Variants in PRKD1 observed in about 807,000 individuals in gnomAD.
PRKD1 encodes the protein serine/threonine-protein kinase D1.
Under a neutral mutation model 95.9 loss-of-function variants are expected in PRKD1, and 63 were observed. The ratio of observed to expected loss-of-function variants is 0.66; its 90% CI spans 0.54 to 0.81. PRKD1 has a LOEUF of 0.81. Among genes scored for constraint, PRKD1 ranks in the 30% least tolerant of loss-of-function variants. PRKD1 has a pLI of 0.00. For missense variants in PRKD1, 1,048 were observed against 1,165.3 expected (o/e 0.90, Z 1.47); for synonymous variants, 425 against 423.1 (o/e 1.00, Z -0.05).
chr14:29,918,969 A>C (rs1894987199), intron 1 of PRKD1, among the ~76,000 whole-genome samples: 1 of 152,168 alleles, frequency 6.6e-6, no homozygotes, highest in Non-Finnish European at 1.5e-5. Flanking sequence ...AATACTTTTC[A>C]ACTGTTTTAT....
rs149563866 is a variant in PRKD1, at chr14:29,754,884, T to C, written c.265-29210A>G. On this transcript the variant is annotated intron_variant, in intron 1 of 17. Transcript: ENST00000331968. The stretch of plus-strand genomic sequence containing the variant: ...TGAGATCAAGGTTCATTTAGGGAGA[T>C]TGATATTTTTATGATACTAACTTAT... 3.9e-3 allele frequency among the ~76,000 whole-genome samples: 596 copies of C among 152,230 alleles called. 5 individuals carry two copies. Among genetic ancestry groups the C allele is most frequent in the African/African-American group, 0.013 (544 of 41,570 alleles).
At position 29,631,030 on chromosome 14, in the gene PRKD1, G is replaced by GA. The variant is rs45589232; in HGVS notation, c.1393-10dup. On this transcript the variant is annotated splice_polypyrimidine_tract_variant and intron_variant, in intron 9 of 17. Coordinates refer to ENST00000331968, the MANE Select transcript of PRKD1 (RefSeq NM_002742.3). The stretch of plus-strand genomic sequence containing the variant: ...TCAGATAAAGGAATTTCCTGTGAAA[G>GA]AAAAAAAGTACTAAATGTTGTTTAT... 4 of 1,581,648 alleles carry GA rather than the reference G, an allele frequency of 2.5e-6. No individual in the cohort carries two copies. The highest frequency in any genetic ancestry group is 2.2e-5 in the East Asian group (1 of 44,504).
At chr14:29,775,894 C>T (rs1888725582) in intron 1 of PRKD1, among the ~76,000 whole-genome samples, 1 of 152,140 alleles carries the variant, frequency 6.6e-6, no homozygotes. Context: ...GAGGCACCTC[C>T]CAGTAGGGGC....
At chr14:29,621,974 A>G (rs1879293997) in intron 13 of PRKD1, among the ~76,000 whole-genome samples, 2 of 152,158 alleles carry the variant, frequency 1.3e-5, no homozygotes, top group South Asian at 2.1e-4. Flanking sequence ...TTCCAAATGT[A>G]TATTTATTGC....
At chr14:29,820,528 G>A (rs1450050949) in intron 1 of PRKD1, among the ~76,000 whole-genome samples, 15 of 152,198 alleles carry the variant, frequency 9.9e-5, no homozygotes, top group Admixed American at 9.8e-4. Flanking sequence ...CAGGAAAAGT[G>A]AGAAGGGAAT....
chr14:29,616,270 T>C (rs1450837204), intron 13 of PRKD1, among the ~76,000 whole-genome samples: 1 of 95,920 alleles, frequency 1.0e-5, no homozygotes, highest in Non-Finnish European at 2.0e-5. Context: ...AAAAAAGCCA[T>C]GTATTGCCAT....
intron 1 of PRKD1, among the ~76,000 whole-genome samples, chr14:29,879,267 C>T (rs2139392328): frequency 6.6e-6 from 1 of 152,310 alleles, no homozygotes; most frequent in East Asian, 1.9e-4. Context: ...TCCCAGAATT[C>T]CCACATGTGG....
At chr14:29,817,664 C>T (rs141667936) in intron 1 of PRKD1, among the ~76,000 whole-genome samples, 15 of 152,124 alleles carry the variant, frequency 9.9e-5, no homozygotes, top group Admixed American at 3.9e-4. Flanking sequence ...AGGTAACCTG[C>T]GGGAGATCAC....
At chr14:29,882,738 T>C (rs554074481) in intron 1 of PRKD1, among the ~76,000 whole-genome samples, 1 of 152,362 alleles carries the variant, frequency 6.6e-6, no homozygotes, top group South Asian at 2.1e-4. Flanking sequence ...ACAAGTTAAA[T>C]CAGAGAGTAT....
intron 1 of PRKD1, among the ~76,000 whole-genome samples, chr14:29,827,713 C>T (rs1048876954): frequency 1.3e-5 from 2 of 152,098 alleles, no homozygotes; most frequent in Non-Finnish European, 2.9e-5. Context: ...AAAGTGTTTA[C>T]ACTATTATAT....
At chr14:29,581,914 G>T (rs143593837) in intron 16 of PRKD1, among the ~76,000 whole-genome samples, 3 of 152,214 alleles carry the variant, frequency 2.0e-5, no homozygotes, top group Non-Finnish European at 4.4e-5. Flanking sequence ...ATTACCAACT[G>T]CCAGGCCTAT....
At chr14:29,714,756 C>T (rs949045585) in intron 2 of PRKD1, among the ~76,000 whole-genome samples, 1 of 152,158 alleles carries the variant, frequency 6.6e-6, no homozygotes, top group Admixed American at 6.5e-5. Flanking sequence ...GGCACATATA[C>T]ATCATGGAAT....
intron 1 of PRKD1, among the ~76,000 whole-genome samples, chr14:29,828,396 T>C (rs904845073): frequency 2.6e-5 from 4 of 151,852 alleles, no homozygotes; most frequent in Admixed American, 6.6e-5. Context: ...CTCATTACCA[T>C]GAGGATAGCA....
rs774613855 is a variant in PRKD1, at chr14:29,634,545, G to A, written c.1191-4C>T. ...GATATTGTTGCTTGTTGATGGACTT[G>A]AGAAGTCAAAATATTGTAGGGAAAA... On this transcript the variant is annotated splice_region_variant and splice_polypyrimidine_tract_variant and intron_variant, in intron 7 of 17. Coordinates refer to ENST00000331968, the MANE Select transcript of PRKD1 (RefSeq NM_002742.3). 2 of 1,613,868 alleles carry A rather than the reference G, an allele frequency of 1.2e-6. No individual in the cohort carries two copies. Among genetic ancestry groups the A allele is most frequent in the Non-Finnish European group, 1.7e-6 (2 of 1,179,852 alleles).
intron 1 of PRKD1, among the ~76,000 whole-genome samples, chr14:29,849,131 T>C (rs1892196432): frequency 6.6e-6 from 1 of 152,184 alleles, no homozygotes; most frequent in Non-Finnish European, 1.5e-5. Context: ...GGGAAGTGAT[T>C]GGATCATGGG....
At chr14:29,624,499 G>C (rs932932713) in intron 12 of PRKD1, among the ~76,000 whole-genome samples, 2 of 151,912 alleles carry the variant, frequency 1.3e-5, no homozygotes, top group Non-Finnish European at 2.9e-5. Flanking sequence ...AAAGCTATAC[G>C]TATCAACACC....
intron 4 of PRKD1, among the ~76,000 whole-genome samples, chr14:29,646,898 G>A (rs767881126): frequency 5.9e-5 from 9 of 152,086 alleles, no homozygotes; most frequent in East Asian, 3.9e-4. Flanking sequence ...ATATAGGAAC[G>A]CACATGTTTC....
intron 1 of PRKD1, among the ~76,000 whole-genome samples, chr14:29,806,173 C>G (rs1222475264): frequency 6.6e-6 from 1 of 152,170 alleles, no homozygotes; most frequent in African/African-American, 2.4e-5. Context: ...ATCTCAATAA[C>G]AAGAGCCATG....
intron 4 of PRKD1, among the ~76,000 whole-genome samples, chr14:29,659,597 T>C (rs1375640204): frequency 6.6e-6 from 1 of 152,182 alleles, no homozygotes; most frequent in African/African-American, 2.4e-5. Context: ...GTAGTGTATG[T>C]AAGTTTAGTT....
Sources: allele counts gnomAD v4.1 joint callset (sites outside exome capture counted in the v4.1 genomes callset), GRCh38; gene constraint gnomAD v4.1.1; transcripts MANE v1.5; gene names NCBI Gene and HGNC (gene_info 2026-07-23, HGNC 2026-07-21).